Variants in ERCC6L2 observed in about 807,000 individuals in gnomAD.
ERCC6L2 encodes the protein DNA excision repair protein ERCC-6-like 2.
A neutral mutation model predicts 132.0 loss-of-function variants in ERCC6L2; 77 were observed. The ratio of observed to expected loss-of-function variants is 0.58; its 90% CI spans 0.49 to 0.71. ERCC6L2 has a LOEUF of 0.71. Among genes scored for constraint, ERCC6L2 ranks in the 30% least tolerant of loss-of-function variants. The pLI, the probability that ERCC6L2 is intolerant of heterozygous loss-of-function variation, is 0.00. For synonymous variants in ERCC6L2, 583 were observed against 632.4 expected (o/e 0.92, Z 1.17); for missense variants, 1,542 against 1,837.6 (o/e 0.84, Z 2.94).
chr9:95,897,779 A>G (rs1158822949), intron 2 of ERCC6L2, 70 bp from the exon 3 acceptor site: 4 of 1,493,376 alleles, frequency 2.7e-6, no homozygotes, highest in African/African-American at 1.4e-5. Context: ...TTGAATAGTC[A>G]TGTAAGCAGT....
At chr9:95,893,667 G>A (rs1442696811) in intron 2 of ERCC6L2, among the ~76,000 whole-genome samples, 1 of 151,762 alleles carries the variant, frequency 6.6e-6, no homozygotes. Flanking sequence ...TTCTTGTGTT[G>A]GTTTTTGATA....
chr9:96,004,805 C>T (rs1833811803), intron 18 of ERCC6L2, 104 bp downstream of exon 18: 2 of 722,082 alleles, frequency 2.8e-6, no homozygotes, highest in Non-Finnish European at 2.0e-6. Context: ...TAACTGACAT[C>T]TGAATATTTC....
chr9:96,037,667 CT>C (rs1834535274), intron 19 of ERCC6L2, among the ~76,000 whole-genome samples: 1 of 152,076 alleles, frequency 6.6e-6, no homozygotes, highest in South Asian at 2.1e-4. Flanking sequence ...CAGGGAATAG[CT>C]TCTGAGCACC....
chr9:96,022,325 AG>A (rs1159394897), downstream of ERCC6L2, among the ~76,000 whole-genome samples: 1 of 152,210 alleles, frequency 6.6e-6, no homozygotes, highest in African/African-American at 2.4e-5. Context: ...TAGCAGGCTA[AG>A]GGGAATTGGG....
At chr9:95,942,520 TG>T (rs1325263462) in intron 12 of ERCC6L2, among the ~76,000 whole-genome samples, 1 of 150,116 alleles carries the variant, frequency 6.7e-6, no homozygotes, top group African/African-American at 2.5e-5. Flanking sequence ...AGAGGGCTAA[TG>T]GAAGGATATG....
chr9:96,023,769 T>C (rs955456539), intron 19 of ERCC6L2, among the ~76,000 whole-genome samples: 1 of 152,192 alleles, frequency 6.6e-6, no homozygotes, highest in Non-Finnish European at 1.5e-5. Context: ...CCTGATCTCC[T>C]CTGGGTACAG....
intron 19 of ERCC6L2, among the ~76,000 whole-genome samples, chr9:96,023,538 T>C (rs559821300): frequency 5.9e-5 from 9 of 152,304 alleles, no homozygotes; most frequent in Admixed American, 2.0e-4. Context: ...GTAGACATGC[T>C]TCATTCTTTT....
At chr9:95,916,945 A>G (rs1829627321) in intron 6 of ERCC6L2, among the ~76,000 whole-genome samples, 1 of 152,104 alleles carries the variant, frequency 6.6e-6, no homozygotes, top group African/African-American at 2.4e-5. Flanking sequence ...TCGGTCTCCC[A>G]AAGTACTGGA....
intron 2 of ERCC6L2, among the ~76,000 whole-genome samples, chr9:95,885,949 A>G (rs1209993328): frequency 6.6e-6 from 1 of 152,094 alleles, no homozygotes; most frequent in East Asian, 1.9e-4. Flanking sequence ...AACTTTGATT[A>G]ATCTGGTGAG....
At position 96,028,459 on chromosome 9, in the gene ERCC6L2, C is replaced by T. The variant is rs1007134234; in HGVS notation, c.*1504-10417C>T. ...TGAATGAGCCACAGGTCTTGTTTTC[C>T]TCCATGGCACACTCTAAAATTCCTG... On this transcript the variant is annotated intron_variant and NMD_transcript_variant, in intron 19 of 20. Coordinates refer to the ERCC6L2 transcript ENST00000670016. 2.0e-5 allele frequency among the ~76,000 whole-genome samples: 3 copies of T among 152,274 alleles called. No individual in the cohort carries two copies. The Middle Eastern group carries it at 0.01, about 518-fold the overall frequency.
chr9:95,889,646 GC>G (rs1434535727), intron 2 of ERCC6L2, among the ~76,000 whole-genome samples: 3 of 151,856 alleles, frequency 2.0e-5, no homozygotes, highest in Non-Finnish European at 4.4e-5. Flanking sequence ...GTTTTTTCAT[GC>G]CCCTTTCCAG....
chr9:95,890,750 C>T (rs1564197149), intron 2 of ERCC6L2, among the ~76,000 whole-genome samples: 1 of 152,116 alleles, frequency 6.6e-6, no homozygotes, highest in East Asian at 1.9e-4. Flanking sequence ...TCACTGCAGC[C>T]TTGACCTCCT....
At chr9:95,999,892 A>C (rs1189526429) in intron 17 of ERCC6L2, among the ~76,000 whole-genome samples, 1 of 105,682 alleles carries the variant, frequency 9.5e-6, no homozygotes, top group African/African-American at 4.6e-5. Context: ...GTTTTAAGAT[A>C]CAATTTTTTT....
intron 4 of ERCC6L2, among the ~76,000 whole-genome samples, chr9:95,907,738 A>G (rs1364132243): frequency 1.3e-5 from 2 of 151,802 alleles, no homozygotes; most frequent in Non-Finnish European, 2.9e-5. Flanking sequence ...ACAGCCTTTT[A>G]TGCAGACACT....
chr9:95,971,525 ATC>A (rs1208428017), intron 15 of ERCC6L2: 2 of 152,740 alleles, frequency 1.3e-5, no homozygotes, highest in Admixed American at 6.5e-5. Context: ...AACTCCTGTA[ATC>A]TGTCTTATTC....
chr9:95,959,469 G>A (rs1213031174), intron 13 of ERCC6L2, among the ~76,000 whole-genome samples: 2 of 151,588 alleles, frequency 1.3e-5, no homozygotes, highest in Non-Finnish European at 2.9e-5. Flanking sequence ...CATAGGCATG[G>A]GCAAGGACTT....
intron 1 of ERCC6L2, 132 bp downstream of exon 1, chr9:95,876,216 C>T: frequency 1.3e-6 from 1 of 759,376 alleles, no homozygotes; most frequent in East Asian, 2.9e-5. Flanking sequence ...AGATTGTGAA[C>T]CCCTCCAGGC....
At chr9:95,946,693 A>G (rs1460989086) in intron 12 of ERCC6L2, among the ~76,000 whole-genome samples, 3 of 152,164 alleles carry the variant, frequency 2.0e-5, no homozygotes, top group Admixed American at 1.3e-4. Flanking sequence ...CTTGTTTACA[A>G]ATTGAAGGTT....
chr9:95,973,382 A>G (rs183882828), intron 16 of ERCC6L2, among the ~76,000 whole-genome samples: 44 of 152,268 alleles, frequency 2.9e-4, no homozygotes, highest in Admixed American at 2.0e-3. Context: ...TTACATTTAT[A>G]TGGTTTTATC....
Sources: allele counts gnomAD v4.1 joint callset (sites outside exome capture counted in the v4.1 genomes callset), GRCh38; gene constraint gnomAD v4.1.1; transcripts MANE v1.5; gene names NCBI Gene and HGNC (gene_info 2026-07-23, HGNC 2026-07-21).